The following C8orf34 variants were observed in gnomAD, a reference collection of about 807,000 sequenced individuals.
C8orf34 encodes chromosome 8 open reading frame 34.
In C8orf34, 65 loss-of-function variants were observed where a neutral mutation model predicts 68.3. That is an observed-to-expected ratio of 0.95 (90% CI 0.78 to 1.17). C8orf34 has a LOEUF of 1.17. Ranked by LOEUF, C8orf34 falls within the 50% of genes most tolerant of loss-of-function variation. The probability of loss-of-function intolerance (pLI) is 0.00; values close to 1 mark genes in which losing one functional copy is unlikely to be tolerated. For missense variants in C8orf34, 664 were observed against 655.4 expected (o/e 1.01, Z -0.14); for synonymous variants, 244 against 241.2 (o/e 1.01, Z -0.11).
intron 12 of C8orf34, among the ~76,000 whole-genome samples, chr8:68,793,922 A>G (rs1278565956): frequency 6.6e-6 from 1 of 152,180 alleles, no homozygotes; most frequent in Non-Finnish European, 1.5e-5. Context: ...ATAAAAATGT[A>G]TTGGTATAAA....
intron 10 of C8orf34, among the ~76,000 whole-genome samples, chr8:68,728,487 G>T (rs532232118): frequency 8.5e-5 from 13 of 152,204 alleles, no homozygotes; most frequent in African/African-American, 3.1e-4. Flanking sequence ...CCACTCTACT[G>T]GTACCAATTT....
chr8:68,532,585 A>G (rs1436546851), intron 6 of C8orf34, among the ~76,000 whole-genome samples: 1 of 152,194 alleles, frequency 6.6e-6, no homozygotes, highest in Non-Finnish European at 1.5e-5. Context: ...ATTTTAAAAC[A>G]TCTTAATGTA....
intron 2 of C8orf34, among the ~76,000 whole-genome samples, chr8:68,445,709 A>G (rs192935838): frequency 8.5e-4 from 129 of 152,320 alleles, no homozygotes; most frequent in African/African-American, 2.8e-3. Flanking sequence ...TTTATTTACA[A>G]CAGAATACCA....
intron 8 of C8orf34, among the ~76,000 whole-genome samples, chr8:68,665,181 T>C (rs1440983971): frequency 6.6e-6 from 1 of 152,182 alleles, no homozygotes; most frequent in Non-Finnish European, 1.5e-5. Context: ...AGTGAGTCAA[T>C]ATAAAAATAT....
intron 13 of C8orf34, among the ~76,000 whole-genome samples, chr8:68,816,383 A>G (rs1350731375): frequency 6.6e-6 from 1 of 152,178 alleles, no homozygotes; most frequent in Non-Finnish European, 1.5e-5. Context: ...GTCCATGAAT[A>G]TGAGGCTACT....
chr8:68,486,408 C>T lies in C8orf34; in HGVS notation c.737-1615C>T, dbSNP rs1813081802. Among the ~76,000 whole-genome samples the T allele has an allele frequency of 2.0e-5, 3 of 152,250 alleles. No individual in the cohort carries two copies. The South Asian group carries it at 6.2e-4, about 32-fold the overall frequency. ...CCTTGAATAATTGTTAAGCTTTGGTCACCCCAAATCCCTGAAATGGTAGTT... is the reference window on the plus strand; with the variant it reads ...CCTTGAATAATTGTTAAGCTTTGGTTACCCCAAATCCCTGAAATGGTAGTT... On this transcript the variant is annotated intron_variant, in intron 4 of 13. Transcript: ENST00000518698.
chr8:68,514,388 TATCATTCTACC>T (rs1217730792), intron 5 of C8orf34, among the ~76,000 whole-genome samples: 1 of 152,174 alleles, frequency 6.6e-6, no homozygotes, highest in African/African-American at 2.4e-5. Flanking sequence ...CCATTAAGTC[TATCATTCTACC>T]ACCCACTAAT....
chr8:68,646,453 C>T (rs1398415989), intron 8 of C8orf34, among the ~76,000 whole-genome samples: 1 of 151,920 alleles, frequency 6.6e-6, no homozygotes, highest in Non-Finnish European at 1.5e-5. Flanking sequence ...ACCAATCATA[C>T]TTTTTTTGTG....
chr8:68,411,884 A>G (rs190862587), intron 1 of C8orf34, among the ~76,000 whole-genome samples: 1 of 152,290 alleles, frequency 6.6e-6, no homozygotes, highest in African/African-American at 2.4e-5. Context: ...CAAAATTCAT[A>G]TGTTGAAAGC....
intron 7 of C8orf34, among the ~76,000 whole-genome samples, chr8:68,559,992 G>A (rs2130148862): frequency 6.6e-6 from 1 of 152,270 alleles, no homozygotes; most frequent in Non-Finnish European, 1.5e-5. Context: ...TTCCTACTAG[G>A]TGGTTCACCA....
chr8:68,541,524 A>G (rs1815701231), intron 7 of C8orf34, among the ~76,000 whole-genome samples: 1 of 152,176 alleles, frequency 6.6e-6, no homozygotes, highest in African/African-American at 2.4e-5. Flanking sequence ...TATAATTCAT[A>G]TCATTTTAAT....
intron 10 of C8orf34, among the ~76,000 whole-genome samples, chr8:68,751,105 C>A (rs72668507): frequency 0.075 from 11,377 of 152,112 alleles, 501 homozygotes; most frequent in Middle Eastern, 0.1. Flanking sequence ...GGCAGAAGGA[C>A]CTGGAGAGGG....
intron 4 of C8orf34, among the ~76,000 whole-genome samples, chr8:68,471,246 G>C (rs1052969491): frequency 2.6e-5 from 4 of 152,038 alleles, no homozygotes; most frequent in Non-Finnish European, 5.9e-5. Context: ...TTAAGAGGAT[G>C]GTTGGTTACA....
In C8orf34 at chr8:68,533,744, G is replaced by T. The variant is rs532925813; in HGVS notation, c.1105+595G>T. On this transcript the variant is annotated intron_variant, in intron 7 of 13. Coordinates refer to ENST00000518698, the MANE Select transcript of C8orf34 (RefSeq NM_052958.4). ...ATATTTTTTAATGTAGTATATGTAT[G>T]TTTTTGCTTCATCAGAAATCTCTTC... The T allele has an allele frequency of 1.6e-4, 154 of 948,158 alleles. 1 individual carries two copies. The highest frequency in any genetic ancestry group is 2.3e-4 in the East Asian group (2 of 8,606). 58.7% of individuals were successfully genotyped at this position (948,158 alleles called of 1,614,324 possible).
intron 10 of C8orf34, among the ~76,000 whole-genome samples, chr8:68,771,980 C>A (rs909145279): frequency 1.3e-5 from 2 of 152,126 alleles, no homozygotes; most frequent in South Asian, 2.1e-4. Flanking sequence ...ATGAGAAGTG[C>A]TTAATAAATA....
rs768645163 is a variant in C8orf34 at position 68,708,994 on chromosome 8, G to A, written c.1242G>A (p.Arg414=). The A allele has an allele frequency of 3.4e-5, 55 of 1,595,558 alleles. No homozygotes were observed. In the East Asian group the frequency reaches 1.2e-3, roughly 34 times the overall value. Residue 414 remains arginine (R), a splice_region_variant and synonymous_variant, in exon 9 of 14, where the codon AGG becomes AGA. Transcript: ENST00000518698. Reference sequence around the variant, plus strand: ...TCAATGATCATTTTTAATTATTTAGGCTTCAAGGAGACAACCTGGAAGAAA... The same window carrying A: ...TCAATGATCATTTTTAATTATTTAGACTTCAAGGAGACAACCTGGAAGAAA... ...VTLNICSRCA[R]LQGDNLEERT...
At chr8:68,337,594 T>C (rs1314338369) in intron 1 of C8orf34, among the ~76,000 whole-genome samples, 1 of 152,228 alleles carries the variant, frequency 6.6e-6, no homozygotes, top group Non-Finnish European at 1.5e-5. Flanking sequence ...GAATTGTTTG[T>C]ATTGTTCCTA....
At chr8:68,420,079 CAGG>C (rs946036852) in intron 1 of C8orf34, among the ~76,000 whole-genome samples, 12 of 150,828 alleles carry the variant, frequency 8.0e-5, no homozygotes, top group African/African-American at 2.9e-4. Flanking sequence ...GCCTGAGATC[CAGG>C]AGAAGATAGA....
At chr8:68,621,843 T>C (rs1818397564) in intron 7 of C8orf34, among the ~76,000 whole-genome samples, 1 of 152,200 alleles carries the variant, frequency 6.6e-6, no homozygotes, top group Admixed American at 6.5e-5. Flanking sequence ...GTTGCATTCA[T>C]TATTTATAGC....
Sources: allele counts gnomAD v4.1 joint callset (sites outside exome capture counted in the v4.1 genomes callset), GRCh38; gene constraint gnomAD v4.1.1; transcripts MANE v1.5; gene names NCBI Gene and HGNC (gene_info 2026-07-23, HGNC 2026-07-21).